Variants in MAPK10 observed in about 807,000 individuals in gnomAD.
MAPK10 encodes the protein mitogen-activated protein kinase 10, also known as JNK3 alpha protein kinase.
MAPK10 carries 25 observed loss-of-function variants against 59.3 expected under a neutral mutation model. That is an observed-to-expected ratio of 0.42 (90% CI 0.31 to 0.59). The LOEUF (loss-of-function observed/expected upper bound fraction) is 0.59. Among genes scored for constraint, MAPK10 ranks in the 20% least tolerant of loss-of-function variants. MAPK10 has a pLI of 0.15. For missense variants in MAPK10, 351 were observed against 568.9 expected (o/e 0.62, Z 3.90); for synonymous variants, 190 against 200.5 (o/e 0.95, Z 0.44).
chr4:86,267,022 G>A (rs977323301), intron 2 of MAPK10, among the ~76,000 whole-genome samples: 2 of 152,116 alleles, frequency 1.3e-5, no homozygotes, highest in Admixed American at 6.6e-5. Context: ...GAGCCAAGCT[G>A]TATGAATCAT....
intron 2 of MAPK10, among the ~76,000 whole-genome samples, chr4:86,228,206 G>A (rs2090976206): frequency 6.6e-6 from 1 of 152,184 alleles, no homozygotes; most frequent in South Asian, 2.1e-4. Flanking sequence ...AGGTTGATGT[G>A]TAAGAGAGTT....
Position 86,067,854 on chromosome 4 carries a change from G to A in MAPK10, c.904C>T (p.Pro302Ser). The change falls in exon 10 of 14, where the codon CCC becomes TCC. Residue 302 changes from proline to serine, a missense_variant. Pro to Ser is a moderately conservative substitution (Grantham distance 74). Around this residue, in one of 5 missense-constraint regions of MAPK10, gnomAD observed 155 missense variants for 204.2 expected, o/e 0.76. Transcript: ENST00000641462. ...PTVRNYVENR[P>S]KYAGLTFPKL... The stretch of plus-strand genomic sequence containing the variant: ...GGGAAGGTGAGTCCCGCATACTTGG[G>A]CCGATTCTCCACATAGTTTCTTACT... 1.2e-6 allele frequency: 2 copies of A among 1,613,976 alleles called. No individual in the cohort carries two copies. The highest frequency in any genetic ancestry group is 1.7e-6 in the Non-Finnish European group (2 of 1,179,926).
intron 1 of MAPK10, among the ~76,000 whole-genome samples, chr4:86,478,435 T>C (rs964449671): frequency 9.2e-5 from 14 of 152,342 alleles, no homozygotes; most frequent in African/African-American, 3.4e-4. Flanking sequence ...CTCAAGTCTG[T>C]GTGCAGTGGC....
chr4:86,367,658 T>TG (rs1023740506), intron 1 of MAPK10, among the ~76,000 whole-genome samples: 8 of 152,116 alleles, frequency 5.3e-5, no homozygotes, highest in South Asian at 2.1e-4. Flanking sequence ...TTTGTTTTTT[T>TG]TTTTGTTTTG....
chr4:86,104,696 A>C (rs2056220972), intron 5 of MAPK10, among the ~76,000 whole-genome samples: 1 of 152,162 alleles, frequency 6.6e-6, no homozygotes, highest in South Asian at 2.1e-4. Flanking sequence ...AATCTAGATA[A>C]TTTAAAAAAT....
In MAPK10 at chr4:86,576,706, C is replaced by T. The variant is rs562267807; in HGVS notation, c.-263+17204G>A. On this transcript the variant is annotated intron_variant, in intron 1 of 4. Coordinates refer to the MAPK10 transcript ENST00000502302. ...AGGAGAATGGCATGAACCCGGGAGG[C>T]GGAGCTTGCAGTGAGCCGAGATCGC... Among the ~76,000 whole-genome samples the T allele has an allele frequency of 9.3e-5, 14 of 151,324 alleles. No individual in the cohort carries two copies. The East Asian group carries it at 2.2e-3, about 23-fold the overall frequency.
chr4:86,275,389 T>A (rs2094543237), intron 2 of MAPK10, among the ~76,000 whole-genome samples: 2 of 151,996 alleles, frequency 1.3e-5, no homozygotes, highest in Non-Finnish European at 2.9e-5. Flanking sequence ...GATAAGGAAA[T>A]GATGTAGTCC....
At chr4:86,511,364 C>T (rs1756224286) in intron 1 of MAPK10, among the ~76,000 whole-genome samples, 1 of 151,648 alleles carries the variant, frequency 6.6e-6, no homozygotes, top group Non-Finnish European at 1.5e-5. Context: ...CGAGACCAGC[C>T]TGTGCAATGT....
At chr4:86,049,382 T>C (rs2043099809) in intron 11 of MAPK10, among the ~76,000 whole-genome samples, 1 of 151,902 alleles carries the variant, frequency 6.6e-6, no homozygotes, top group Non-Finnish European at 1.5e-5. Flanking sequence ...TATATAATAC[T>C]TTTTAATGTA....
chr4:86,294,025 G>T (rs1426803341), intron 2 of MAPK10, among the ~76,000 whole-genome samples: 1 of 152,152 alleles, frequency 6.6e-6, no homozygotes, highest in African/African-American at 2.4e-5. Flanking sequence ...CAACCCAGAA[G>T]TGCGGAGTTA....
rs1234978440 is a variant in MAPK10 at position 86,016,995 on chromosome 4, A to G, written c.*233T>C. ...TTCTGTAGTAAGCATCATTGGAAGA[A>G]GACCAAAGCAAGAGCAACTAGAAGT... On this transcript the variant is annotated 3_prime_UTR_variant, in exon 14 of 14. Coordinates refer to ENST00000641462, the MANE Select transcript of MAPK10 (RefSeq NM_138982.4). 4.8e-5 allele frequency: 20 copies of G among 420,390 alleles called. No individual in the cohort carries two copies. In the East Asian group the frequency reaches 6.7e-4, roughly 14 times the overall value. The allele number at this position is 420,390 out of a possible 1,614,324, so 26.0% of individuals were successfully genotyped here. A position where few individuals can be genotyped will look rare whatever the true frequency, so the allele number is the denominator to read the frequency against.
intron 1 of MAPK10, among the ~76,000 whole-genome samples, chr4:86,502,153 G>T (rs1029247554): frequency 3.3e-5 from 5 of 151,750 alleles, no homozygotes; most frequent in South Asian, 2.1e-4. Flanking sequence ...GCTACTTTTT[G>T]ATCTCCATTT....
chr4:86,372,564 G>GAAAGAAAGAAAGAAAGAAAAAGA, intron 1 of MAPK10, among the ~76,000 whole-genome samples: 22 of 78,690 alleles, frequency 2.8e-4, no homozygotes, highest in Admixed American at 5.5e-4. Flanking sequence ...AAGAAAGAAA[G>GAAAGAAAGAAAGAAAGAAAAAGA]AAAGAAAAGA....
At chr4:86,234,880 A>G (rs1049980800) in intron 2 of MAPK10, among the ~76,000 whole-genome samples, 15 of 152,152 alleles carry the variant, frequency 9.9e-5, no homozygotes, top group Middle Eastern at 3.2e-3. Context: ...GTTTTCTGCC[A>G]TTTTATTTAC....
intron 1 of MAPK10, among the ~76,000 whole-genome samples, chr4:86,484,101 T>TG (rs1221594887): frequency 2.0e-5 from 3 of 152,122 alleles, no homozygotes; most frequent in Non-Finnish European, 4.4e-5. Context: ...AATGGAGGCT[T>TG]GGTATTCCAT....
At chr4:86,334,749 A>T (rs1239575446) in intron 2 of MAPK10, among the ~76,000 whole-genome samples, 1 of 60,994 alleles carries the variant, frequency 1.6e-5, no homozygotes, top group Non-Finnish European at 3.8e-5. Context: ...TGCTCATTAA[A>T]AAAACAACAA....
intron 2 of MAPK10, among the ~76,000 whole-genome samples, chr4:86,288,124 G>A (rs1378304785): frequency 6.6e-6 from 1 of 151,950 alleles, no homozygotes; most frequent in Non-Finnish European, 1.5e-5. Context: ...TTCACCATGG[G>A]TAAAATAAGA....
At chr4:86,510,531 G>A (rs1337559501) in intron 1 of MAPK10, among the ~76,000 whole-genome samples, 1 of 151,476 alleles carries the variant, frequency 6.6e-6, no homozygotes, top group East Asian at 1.9e-4. Flanking sequence ...CTATATACAT[G>A]TATATAAATA....
At chr4:86,092,122 G>A (rs2053343501) in intron 9 of MAPK10, among the ~76,000 whole-genome samples, 1 of 151,970 alleles carries the variant, frequency 6.6e-6, no homozygotes, top group East Asian at 1.9e-4. Flanking sequence ...AGATTTAATA[G>A]ATCACAAATC....
Sources: allele counts gnomAD v4.1 joint callset (sites outside exome capture counted in the v4.1 genomes callset), GRCh38; gene constraint gnomAD v4.1.1; regional missense constraint gnomAD v4.1.1; transcripts MANE v1.5; gene names NCBI Gene and HGNC (gene_info 2026-07-23, HGNC 2026-07-21).